ZFHX3: variants seen among roughly 807,000 people sequenced by gnomAD.
The protein encoded by ZFHX3 is zinc finger homeobox 3.
Under a neutral mutation model 279.1 loss-of-function variants are expected in ZFHX3, and 42 were observed. The ratio of observed to expected loss-of-function variants is 0.15; its 90% confidence interval spans 0.12 to 0.19. The LOEUF is 0.19. ZFHX3 is among the 10% of genes least tolerant of loss of function. The pLI is 1.00. For missense variants in ZFHX3, 4,981 were observed against 4,754.0 expected (o/e 1.05, Z -1.40); for synonymous variants, 2,293 against 1,957.8 (o/e 1.17, Z -4.52).
intron 2 of ZFHX3, among the ~76,000 whole-genome samples, chr16:73,621,192 A>G (rs2052358173): frequency 6.6e-6 from 1 of 151,744 alleles, no homozygotes; most frequent in African/African-American, 2.4e-5. Flanking sequence ...ATCCCTTTTA[A>G]CTCCTTCAGG....
intron 1 of ZFHX3, among the ~76,000 whole-genome samples, chr16:73,043,857 T>C (rs1355473599): frequency 3.3e-5 from 5 of 152,246 alleles, no homozygotes; most frequent in Non-Finnish European, 7.3e-5. Context: ...CAGTCAACTT[T>C]AAATCATAGA....
chr16:73,416,196 G>C (rs919481080), intron 3 of ZFHX3, among the ~76,000 whole-genome samples: 1 of 151,326 alleles, frequency 6.6e-6, no homozygotes, highest in African/African-American at 2.4e-5. Context: ...TCAAAGGACA[G>C]TGACTTGTTC....
chr16:73,411,707 A>G (rs970347939), intron 3 of ZFHX3, among the ~76,000 whole-genome samples: 3 of 152,032 alleles, frequency 2.0e-5, no homozygotes, highest in Non-Finnish European at 4.4e-5. Flanking sequence ...TCTTGAAAAC[A>G]TGGAATATTT....
intron 1 of ZFHX3, among the ~76,000 whole-genome samples, chr16:73,879,935 G>A (rs1326774651): frequency 6.6e-6 from 1 of 152,096 alleles, no homozygotes; most frequent in Non-Finnish European, 1.5e-5. Flanking sequence ...AACTGTTATA[G>A]GATCCTAATT....
At chr16:72,857,565 G>C (rs1597316572) in intron 4 of ZFHX3, among the ~76,000 whole-genome samples, 1 of 152,154 alleles carries the variant, frequency 6.6e-6, no homozygotes, top group Non-Finnish European at 1.5e-5. Context: ...CATGTCTGTA[G>C]TCCCAGCTAC....
At chr16:73,807,582 A>G (rs918673453) in intron 1 of ZFHX3, among the ~76,000 whole-genome samples, 1 of 147,300 alleles carries the variant, frequency 6.8e-6, no homozygotes, top group African/African-American at 2.6e-5. Flanking sequence ...AGCAGCCCCC[A>G]AATAGCTGGG....
Position 72,787,992 on chromosome 16 carries a change from G to C in ZFHX3, c.10284C>G (p.Pro3428=), listed in dbSNP as rs765628066. The C allele has an allele frequency of 1.2e-6, 2 of 1,613,618 alleles. No individual in the cohort carries two copies. Among genetic ancestry groups the C allele is most frequent in the African/African-American group, 2.7e-5 (2 of 74,794 alleles). ...TCGGCAGGAGGGGGGACACCTCACG[G>C]GGGGTGTTTTTCTGTTCTTCTGGTT... ...SPKPEEQKNT[P]REVSPLLPKL... is the part of the protein sequence containing the mutation. Residue 3428 remains proline, a synonymous_variant, in exon 10 of 10, where the codon CCC becomes CCG. Coordinates refer to ENST00000268489, the MANE Select transcript of ZFHX3 (RefSeq NM_006885.4).
At chr16:73,318,568 G>A (rs943430713) in intron 3 of ZFHX3, among the ~76,000 whole-genome samples, 1 of 151,366 alleles carries the variant, frequency 6.6e-6, no homozygotes, top group African/African-American at 2.4e-5. Flanking sequence ...TCTGAGGTTT[G>A]GATAAGTAAC....
chr16:73,282,997 A>G (rs1440129812), intron 4 of ZFHX3, among the ~76,000 whole-genome samples: 2 of 152,250 alleles, frequency 1.3e-5, no homozygotes, highest in Non-Finnish European at 2.9e-5. Context: ...CCTCATGGAT[A>G]TCACATCTCA....
chr16:73,761,029 A>G (rs1279200766), intron 1 of ZFHX3, among the ~76,000 whole-genome samples: 1 of 151,960 alleles, frequency 6.6e-6, no homozygotes, highest in Non-Finnish European at 1.5e-5. Context: ...AAAGAGGAAG[A>G]GAGGAGGTCA....
At chr16:73,540,850 G>A (rs2019998482) in intron 2 of ZFHX3, among the ~76,000 whole-genome samples, 1 of 152,170 alleles carries the variant, frequency 6.6e-6, no homozygotes, top group South Asian at 2.1e-4. Context: ...GAGGACATCA[G>A]TGAGGGCTGG....
intron 2 of ZFHX3, among the ~76,000 whole-genome samples, chr16:73,514,960 ATT>A (rs1324446058): frequency 6.6e-6 from 1 of 152,172 alleles, no homozygotes; most frequent in African/African-American, 2.4e-5. Context: ...GCCCTTAGCC[ATT>A]TTTACAATAT....
chr16:72,874,096 C>T (rs1597333525), intron 4 of ZFHX3, among the ~76,000 whole-genome samples: 1 of 151,018 alleles, frequency 6.6e-6, no homozygotes, highest in Non-Finnish European at 1.5e-5. Context: ...AGCAAGTGGG[C>T]GGGGCTTTGG....
chr16:73,796,929 C>T (rs1347755916), intron 1 of ZFHX3, among the ~76,000 whole-genome samples: 1 of 152,136 alleles, frequency 6.6e-6, no homozygotes, highest in African/African-American at 2.4e-5. Context: ...AGGCTGAGTG[C>T]AGTGGCTCAC....
intron 3 of ZFHX3, among the ~76,000 whole-genome samples, chr16:73,369,682 T>C (rs1411177615): frequency 1.3e-5 from 2 of 152,212 alleles, no homozygotes; most frequent in East Asian, 3.9e-4. Flanking sequence ...AAAATGTAGA[T>C]GCTGGTGGCT....
rs149972198 is a variant in ZFHX3 at position 73,862,775 on chromosome 16, C to T, written c.-1608+28876G>A. 3.7e-4 allele frequency among the ~76,000 whole-genome samples: 56 copies of T among 151,996 alleles called. 1 individual carries two copies. The East Asian group carries it at 0.011, about 29-fold the overall frequency. ...CCAGGTGACAGAGTGAGACCCTGTA[C>T]AATCAATCAATCAATCAATGTAAAG... On this transcript the variant is annotated intron_variant, in intron 1 of 17. Coordinates refer to the ZFHX3 transcript ENST00000641206.
At chr16:73,280,650 G>T (rs1047508387) in intron 4 of ZFHX3, among the ~76,000 whole-genome samples, 1 of 152,042 alleles carries the variant, frequency 6.6e-6, no homozygotes, top group Non-Finnish European at 1.5e-5. Flanking sequence ...TATATTACTG[G>T]TGGGACTGTA....
At chr16:73,694,228 C>T (rs1159242057) in intron 1 of ZFHX3, among the ~76,000 whole-genome samples, 2 of 152,078 alleles carry the variant, frequency 1.3e-5, no homozygotes, top group East Asian at 3.9e-4. Flanking sequence ...GAGGCTGAGG[C>T]AGGAGAATCG....
chr16:73,770,006 G>T (rs1200688428), intron 1 of ZFHX3, among the ~76,000 whole-genome samples: 2 of 152,164 alleles, frequency 1.3e-5, no homozygotes, highest in African/African-American at 4.8e-5. Context: ...TCCATGGTCG[G>T]CAGAATAATG....
Sources: allele counts gnomAD v4.1 joint callset (sites outside exome capture counted in the v4.1 genomes callset), GRCh38; gene constraint gnomAD v4.1.1; transcripts MANE v1.5; gene names NCBI Gene and HGNC (gene_info 2026-07-23, HGNC 2026-07-21).